NISCH: variants seen among roughly 807,000 people sequenced by gnomAD.
The protein encoded by NISCH is I-1 receptor candidate protein.
NISCH carries 55 observed loss-of-function variants against 138.4 expected under a neutral mutation model. That is an observed-to-expected ratio of 0.40 (90% CI 0.32 to 0.50). The LOEUF is 0.50. Ranked by LOEUF, NISCH falls within the 20% of genes least tolerant of loss-of-function variation. The pLI is 0.71. For missense variants in NISCH, 1,643 were observed against 2,005.5 expected (o/e 0.82, Z 3.45); for synonymous variants, 860 against 861.5 (o/e 1.00, Z 0.03).
At chr3:52,484,704 T>C in intron 14 of NISCH, 67 bp downstream of exon 14, 1 of 1,590,636 alleles carries the variant, frequency 6.3e-7, no homozygotes, top group Non-Finnish European at 8.6e-7. Flanking sequence ...TGGGGTTGTG[T>C]GCAGTAGGAA....
intron 3 of NISCH, among the ~76,000 whole-genome samples, chr3:52,465,509 C>T (rs1054063929): frequency 4.9e-4 from 75 of 152,282 alleles, no homozygotes; most frequent in African/African-American, 1.8e-3. Flanking sequence ...CAGGGGTTGC[C>T]GCCTGTATGA....
At chr3:52,460,637 A>G (rs554876042) in intron 3 of NISCH, among the ~76,000 whole-genome samples, 1 of 152,180 alleles carries the variant, frequency 6.6e-6, no homozygotes, top group South Asian at 2.1e-4. Flanking sequence ...CTCGAACTCA[A>G]GCCATCCTCC....
chr3:52,479,915 G>A (rs930299259), intron 12 of NISCH, 53 bp downstream of exon 12: 101 of 1,422,780 alleles, frequency 7.1e-5, no homozygotes, highest in Non-Finnish European at 9.6e-5. Flanking sequence ...GCCGGGATAG[G>A]AGCCAGTTTG....
rs535507609 is a variant in NISCH, at chr3:52,467,003, T to TC, written c.361-3856_361-3855insC. Among the ~76,000 whole-genome samples, 289 of 145,358 alleles carry TC rather than the reference T, an allele frequency of 2.0e-3. 8 individuals carry two copies. The South Asian group carries it at 0.058, about 29-fold the overall frequency. On this transcript the variant is annotated intron_variant, in intron 3 of 20. Coordinates refer to ENST00000345716, the MANE Select transcript of NISCH (RefSeq NM_007184.4). ...GCTGACACTAAGTTTCTTTTTCTTTTTTTTTTTTTTTTTTGAGACAGAGTC... is the reference window on the plus strand; with the variant it reads ...GCTGACACTAAGTTTCTTTTTCTTTTCTTTTTTTTTTTTTTGAGACAGAGTC...
chr3:52,458,577 C>G (rs1002180913), intron 2 of NISCH, 85 bp from the exon 3 acceptor site: 1 of 1,189,370 alleles, frequency 8.4e-7, no homozygotes, highest in African/African-American at 1.5e-5. Context: ...TGCTGACAAG[C>G]GCCTGCCCTC....
intron 6 of NISCH, 92 bp from the exon 7 acceptor site, chr3:52,473,642 T>C: frequency 1.2e-6 from 1 of 832,824 alleles, no homozygotes. Flanking sequence ...CCTGTCATTG[T>C]GCTTTTGTAT....
chr3:52,476,389 C>T, intron 7 of NISCH, 58 bp from the exon 8 acceptor site: 1 of 1,589,948 alleles, frequency 6.3e-7, no homozygotes, highest in Non-Finnish European at 8.6e-7. Flanking sequence ...GACTGTGTTC[C>T]CAGTGAGTGT....
intron 3 of NISCH, among the ~76,000 whole-genome samples, chr3:52,464,024 G>T (rs546700489): frequency 6.6e-6 from 1 of 151,780 alleles, no homozygotes; most frequent in East Asian, 2.0e-4. Flanking sequence ...ACCACACCTG[G>T]CCTGAGCCTC....
chr3:52,465,556 C>A (rs1250566137), intron 3 of NISCH, among the ~76,000 whole-genome samples: 3 of 152,212 alleles, frequency 2.0e-5, no homozygotes, highest in Non-Finnish European at 4.4e-5. Context: ...TGTTGCTATG[C>A]TGCTCTTCAG....
intron 15 of NISCH, 117 bp downstream of exon 15, chr3:52,485,944 A>C: frequency 1.1e-6 from 1 of 886,772 alleles, no homozygotes; most frequent in Non-Finnish European, 1.8e-6. Flanking sequence ...CAGAAGGCCT[A>C]TAGAACTATT....
In NISCH at chr3:52,487,650, G is replaced by A. The variant is rs1277520763; in HGVS notation, c.2158G>A (p.Gly720Ser). Residue 720 changes from glycine (G) to serine (S), a missense_variant, in exon 16 of 21, where the codon GGC (glycine) becomes AGC (serine). By Grantham distance (56) the Gly-to-Ser change is moderately conservative (BLOSUM62 0). Coordinates refer to ENST00000345716, the MANE Select transcript of NISCH (RefSeq NM_007184.4). This position sits in a 1 kb window ranked among gnomAD's most constrained non-coding sequence, Gnocchi z 9.1. ...VLWCFLIHVQ[G>S]SIRQFAACLV... ...GTGGTGCTTCCTGATCCATGTGCAG[G>A]GCAGTATCCGCCAGTTCGCCGCCTG... The A allele has an allele frequency of 9.3e-6, 15 of 1,613,838 alleles. No individual in the cohort carries two copies. Among genetic ancestry groups the A allele is most frequent in the Non-Finnish European group, 1.1e-5 (13 of 1,180,018 alleles).
rs374630439 is a variant in NISCH at position 52,478,253 on chromosome 3, C to T, written c.1144C>T (p.Leu382=). 1 of 1,614,104 alleles carries T rather than the reference C, an allele frequency of 6.2e-7. No individual in the cohort carries two copies. The highest frequency in any genetic ancestry group is 8.5e-7 in the Non-Finnish European group (1 of 1,179,976). Residue 382 remains leucine (L), a synonymous_variant, in exon 10 of 21, where the codon CTG becomes TTG. Transcript: ENST00000345716. The part of the protein sequence containing the change: ...GLHKLYSLVN[L]DLRDNRIEQM... ...GCACAAGCTCTACTCACTGGTCAACCTGGATCTCCGGGACAACAGGATCGA... is the reference window on the plus strand; with the variant it reads ...GCACAAGCTCTACTCACTGGTCAACTTGGATCTCCGGGACAACAGGATCGA...
intron 17 of NISCH, 147 bp from the exon 18 acceptor site, chr3:52,489,928 C>G: frequency 8.2e-7 from 1 of 1,224,832 alleles, no homozygotes; most frequent in Non-Finnish European, 1.1e-6. Context: ...ATCTCCCACC[C>G]CTCTCTTCCT....
At position 52,490,197 on chromosome 3, in the gene NISCH, C is replaced by T. The variant is rs200756811; in HGVS notation, c.3579C>T (p.Asp1193=). The change falls in exon 18 of 21, where the codon GAC becomes GAT. Residue 1193 remains aspartate, a synonymous_variant. Transcript: ENST00000345716. ...STKAVYFVLH[D]GLRRYFSEPL... ...AGGCTGTGTACTTTGTGCTCCACGA[C>T]GGCCTCCGCCGCTACTTCTCAGAGC... The T allele has an allele frequency of 1.3e-4, 203 of 1,612,940 alleles. No homozygotes were observed. Among genetic ancestry groups the T allele is most frequent in the Non-Finnish European group, 1.6e-4 (192 of 1,180,010 alleles).
intron 14 of NISCH, among the ~76,000 whole-genome samples, chr3:52,485,045 G>A (rs184189375): frequency 1.1e-3 from 172 of 152,278 alleles, no homozygotes; most frequent in African/African-American, 4.0e-3. Flanking sequence ...CACCCCTGGA[G>A]CCACTCGGCG....
At chr3:52,482,649 C>T (rs893112964) in intron 13 of NISCH, among the ~76,000 whole-genome samples, 3 of 152,196 alleles carry the variant, frequency 2.0e-5, no homozygotes, top group Non-Finnish European at 4.4e-5. Flanking sequence ...CAGTCAGTGG[C>T]GTCTCATAGT....
At chr3:52,471,042 G>A (rs966032019) in intron 4 of NISCH, 135 bp downstream of exon 4, 1 of 837,096 alleles carries the variant, frequency 1.2e-6, no homozygotes, top group Admixed American at 1.9e-5. Flanking sequence ...CTGAGGAGCT[G>A]TGGTCCTTCA....
chr3:52,471,763 A>C, intron 4 of NISCH, 51 bp from the exon 5 acceptor site: 2 of 1,604,382 alleles, frequency 1.2e-6, no homozygotes, highest in Non-Finnish European at 1.7e-6. Flanking sequence ...TGGCTGCACG[A>C]GGGCTGGGGC....
intron 3 of NISCH, among the ~76,000 whole-genome samples, chr3:52,463,868 C>T (rs370169879): frequency 1.3e-4 from 20 of 151,418 alleles, no homozygotes; most frequent in Admixed American, 3.9e-4. Flanking sequence ...GGACTACAGG[C>T]GTGCACCACC....
Sources: gnomAD v4.1 joint callset for allele counts (sites outside exome capture counted in the v4.1 genomes callset) on GRCh38, gnomAD v4.1.1 for gene constraint, Gnocchi (gnomAD v3.1) non-coding constraint, MANE v1.5 for transcripts, NCBI Gene and HGNC (gene_info 2026-07-23, HGNC 2026-07-21) for gene names.